Variants in CCDC181 observed in about 807,000 individuals in gnomAD.
CCDC181 encodes the protein coiled-coil domain-containing protein 181.
In CCDC181, 35 loss-of-function variants were observed where a neutral mutation model predicts 58.7. The ratio of observed to expected loss-of-function variants is 0.60; its 90% CI spans 0.46 to 0.79. The LOEUF (loss-of-function observed/expected upper bound fraction) is 0.79, where lower values mean the gene tolerates loss of function less well. CCDC181 is among the 30% of genes least tolerant of loss of function. The pLI, the probability that CCDC181 is intolerant of heterozygous loss-of-function variation, is 0.00. For missense variants in CCDC181, 517 were observed against 583.9 expected (o/e 0.89, Z 1.18); for synonymous variants, 183 against 197.5 (o/e 0.93, Z 0.62).
chr1:169,439,114 C>A (rs1423681977), intron 2 of CCDC181, among the ~76,000 whole-genome samples: 1 of 151,900 alleles, frequency 6.6e-6, no homozygotes, highest in African/African-American at 2.4e-5. Flanking sequence ...CCAAGACCCC[C>A]AAAGGAGCTG....
intron 2 of CCDC181, among the ~76,000 whole-genome samples, chr1:169,447,589 T>C: frequency 6.6e-6 from 1 of 152,204 alleles, no homozygotes. Flanking sequence ...CCTTACTGAC[T>C]TTCTGCCTGT....
At chr1:169,423,599 C>T (rs1170236778) in intron 2 of CCDC181, among the ~76,000 whole-genome samples, 1 of 151,958 alleles carries the variant, frequency 6.6e-6, no homozygotes, top group African/African-American at 2.4e-5. Flanking sequence ...TATTTTATTC[C>T]TGCTATATAT....
chr1:169,442,585 A>T (rs953646832), intron 2 of CCDC181: 1 of 152,160 alleles, frequency 6.6e-6, no homozygotes, highest in Middle Eastern at 3.2e-3. Flanking sequence ...TTACACCTGT[A>T]CATGCTATTG....
At chr1:169,443,435 T>C (rs1003149457) in intron 2 of CCDC181, 2 of 152,048 alleles carry the variant, frequency 1.3e-5, no homozygotes, top group Non-Finnish European at 2.9e-5. Flanking sequence ...TAGGAATAAA[T>C]TATGGAAAAG....
intron 2 of CCDC181, chr1:169,451,379 C>T (rs1206857067): frequency 6.6e-6 from 1 of 151,954 alleles, no homozygotes; most frequent in Non-Finnish European, 1.5e-5. Flanking sequence ...CATTGTAAGC[C>T]ACAAAGATAA....
chr1:169,432,503 G>A (rs1213012126), intron 2 of CCDC181, among the ~76,000 whole-genome samples: 1 of 152,056 alleles, frequency 6.6e-6, no homozygotes, highest in Non-Finnish European at 1.5e-5. Context: ...TGTACTCCAA[G>A]TAGTATGAAT....
rs1656457945 is a variant in CCDC181 at position 169,421,540 on chromosome 1, G to T, written c.891C>A (p.Asn297Lys). 6.2e-7 allele frequency: 1 copy of T among 1,613,982 alleles called. No individual in the cohort carries two copies. The highest frequency in any genetic ancestry group is 1.3e-5 in the African/African-American group (1 of 74,902). ...PLAYIAQPPL[N>K]RKTCPSSAVN... is the part of the protein sequence containing the mutation. ...CAGCAGAGCTTGGACAAGTCTTGCGGTTGAGTGGTGGCTGAGCGATATAAG... is the reference window on the plus strand; with the variant it reads ...CAGCAGAGCTTGGACAAGTCTTGCGTTTGAGTGGTGGCTGAGCGATATAAG... Residue 297 changes from asparagine (N) to lysine (K), a missense_variant, in exon 3 of 6, where the codon AAC becomes AAA. Asn to Lys is a moderately conservative substitution (Grantham distance 94, BLOSUM62 0). Transcript: ENST00000367806.
chr1:169,432,315 AAAGTT>A (rs1656943392), upstream of CCDC181, among the ~76,000 whole-genome samples: 2 of 152,158 alleles, frequency 1.3e-5, no homozygotes, highest in Admixed American at 6.5e-5. Flanking sequence ...AAAAAATTAA[AAAGTT>A]AAAAGTGAAG....
At chr1:169,410,552 T>A (rs1370021332) in intron 4 of CCDC181, among the ~76,000 whole-genome samples, 2 of 152,216 alleles carry the variant, frequency 1.3e-5, no homozygotes, top group African/African-American at 4.8e-5. Flanking sequence ...CTAATAGACA[T>A]CTATAGAACT....
chr1:169,403,947 C>G (rs1257181718), intron 4 of CCDC181, among the ~76,000 whole-genome samples: 1 of 152,054 alleles, frequency 6.6e-6, no homozygotes, highest in East Asian at 1.9e-4. Flanking sequence ...AGAGAAGAAT[C>G]AAATAGATGC....
intron 2 of CCDC181, among the ~76,000 whole-genome samples, chr1:169,434,152 T>C (rs921644620): frequency 2.0e-5 from 3 of 151,974 alleles, no homozygotes; most frequent in Non-Finnish European, 4.4e-5. Context: ...GATTAGACAT[T>C]TCTCCGAAAA....
chr1:169,396,802 C>A (rs1483337671), intron 5 of CCDC181, among the ~76,000 whole-genome samples: 1 of 152,148 alleles, frequency 6.6e-6, no homozygotes, highest in African/African-American at 2.4e-5. Context: ...GATTTTCCTC[C>A]TTAGTCCACC....
At chr1:169,443,182 T>C (rs1657283058) in intron 2 of CCDC181, 2 of 151,914 alleles carry the variant, frequency 1.3e-5, no homozygotes, top group Admixed American at 6.6e-5. Flanking sequence ...AAACCACTTC[T>C]AGCTTGTATT....
chr1:169,397,217 A>G lies in CCDC181; in HGVS notation c.1370+20T>C. ...AACATGAGGAAGGAGGAGGGGGGAAATGCCCTGCCTTTAACTTACTGTTTA... is the reference window on the plus strand; with the variant it reads ...AACATGAGGAAGGAGGAGGGGGGAAGTGCCCTGCCTTTAACTTACTGTTTA... On this transcript the variant is annotated intron_variant, in intron 5 of 5. Coordinates refer to ENST00000367806, the MANE Select transcript of CCDC181 (RefSeq NM_001300969.2). The G allele has an allele frequency of 6.6e-7, 1 of 1,510,690 alleles. No individual in the cohort carries two copies. Among genetic ancestry groups the G allele is most frequent in the Non-Finnish European group, 8.8e-7 (1 of 1,130,746 alleles). The allele number at this position is 1,510,690 out of a possible 1,614,324, so 93.6% of individuals were successfully genotyped here. A position where few individuals can be genotyped will look rare whatever the true frequency, so the allele number is the denominator to read the frequency against.
At chr1:169,416,903 A>C (rs1656239750) in intron 4 of CCDC181, among the ~76,000 whole-genome samples, 1 of 152,228 alleles carries the variant, frequency 6.6e-6, no homozygotes, top group Non-Finnish European at 1.5e-5. Context: ...AGACTAGGAA[A>C]ATATATAACA....
intron 4 of CCDC181, among the ~76,000 whole-genome samples, chr1:169,406,669 G>C (rs899016452): frequency 1.3e-5 from 2 of 152,086 alleles, no homozygotes; most frequent in Non-Finnish European, 2.9e-5. Context: ...AGAGCATTAA[G>C]CGATATACCT....
chr1:169,421,286 C>T, intron 3 of CCDC181, 77 bp downstream of exon 3: 1 of 1,125,196 alleles, frequency 8.9e-7, no homozygotes, highest in Non-Finnish European at 1.2e-6. Context: ...GTTTGAACAA[C>T]TGTTTTAATT....
intron 4 of CCDC181, among the ~76,000 whole-genome samples, chr1:169,410,849 C>T (rs2102066821): frequency 6.6e-6 from 1 of 152,188 alleles, no homozygotes; most frequent in South Asian, 2.1e-4. Flanking sequence ...CCAATGAGAA[C>T]AAAGACACAA....
At chr1:169,409,405 T>C (rs1191145114) in intron 4 of CCDC181, among the ~76,000 whole-genome samples, 1 of 152,158 alleles carries the variant, frequency 6.6e-6, no homozygotes, top group African/African-American at 2.4e-5. Context: ...AGACCAAACC[T>C]ACGTTTGATT....
Sources: gnomAD v4.1 joint callset for allele counts (sites outside exome capture counted in the v4.1 genomes callset) on GRCh38, gnomAD v4.1.1 for gene constraint, MANE v1.5 for transcripts, NCBI Gene and HGNC (gene_info 2026-07-23, HGNC 2026-07-21) for gene names.